Variants in TEP1 observed in about 807,000 individuals in gnomAD.
The protein encoded by TEP1 is telomerase associated protein 1.
In TEP1, 241 loss-of-function variants were observed where a neutral mutation model predicts 306.3. The ratio of observed to expected loss-of-function variants is 0.79; its 90% CI spans 0.71 to 0.88. TEP1 has a LOEUF of 0.88. TEP1 is among the 40% of genes least tolerant of loss of function. The pLI, the probability that TEP1 is intolerant of heterozygous loss-of-function variation, is 0.00. For missense variants in TEP1, 3,051 were observed against 3,276.1 expected (o/e 0.93, Z 1.68); for synonymous variants, 1,289 against 1,305.5 (o/e 0.99, Z 0.27).
rs1876573913 is a variant in TEP1 at position 20,381,857 on chromosome 14, C to T, written c.4424+56G>A. The T allele has an allele frequency of 6.3e-7, 1 of 1,597,808 alleles. No individual in the cohort carries two copies. Among genetic ancestry groups the T allele is most frequent in the Non-Finnish European group, 8.5e-7 (1 of 1,172,568 alleles). On this transcript the variant is annotated intron_variant, in intron 30 of 54. Coordinates refer to ENST00000262715, the MANE Select transcript of TEP1 (RefSeq NM_007110.5). The surrounding 1 kb of genome is among the most constrained non-coding windows in gnomAD (Gnocchi z 4.0). ...GTTGAAGCTATACAGAGGGCCCCGG[C>T]TCAAAGAAGGGAAGGCACAGAGAGG...
Position 20,383,888 on chromosome 14 carries a change from C to G in TEP1, c.3565G>C (p.Asp1189His). 6.2e-7 allele frequency: 1 copy of G among 1,600,892 alleles called. No individual in the cohort carries two copies. The highest frequency in any genetic ancestry group is 2.2e-5 in the East Asian group (1 of 44,796). The change falls in exon 25 of 55, where the codon GAT becomes CAT. Residue 1189 changes from aspartate (D) to histidine (H), a missense_variant. This residue lies in a region of TEP1 where 1,507 missense variants were observed against 1,550.5 expected (regional missense o/e 0.97). Transcript: ENST00000262715. ...ASLVSALQAP[D>H]GAKVASLVFF... ...ACTAATGATGCCACCTTGGCCCCATCAGGAGCCTGCAGGGCTGACACAAGA... is the reference window on the plus strand; with the variant it reads ...ACTAATGATGCCACCTTGGCCCCATGAGGAGCCTGCAGGGCTGACACAAGA...
intron 2 of TEP1, 69 bp from the exon 3 acceptor site, chr14:20,406,469 A>T: frequency 6.6e-7 from 1 of 1,513,554 alleles, no homozygotes; most frequent in East Asian, 2.3e-5. Context: ...ATGGATCTGA[A>T]GGCAGCACCA....
chr14:20,406,130 C>T, intron 3 of TEP1, 103 bp downstream of exon 3: 2 of 1,134,164 alleles, frequency 1.8e-6, no homozygotes, highest in Non-Finnish European at 2.6e-6. Flanking sequence ...GGTTGTATCC[C>T]TACCTTCCCC....
At position 20,383,546 on chromosome 14, in the gene TEP1, C is replaced by A; in HGVS notation, c.3809G>T (p.Arg1270Met). The change falls in exon 26 of 55, where the codon AGG becomes ATG. Residue 1270 changes from arginine to methionine, a missense_variant. Physicochemically the swap from Arg to Met is moderately conservative, Grantham distance 91. Transcript: ENST00000262715. ...CAGCTGCCCATTCTGGTCCACTAAC[C>A]TATCAGCCCCATCGATGATCAGGAC... ...TQVLIIDGAD[R>M]LVDQNGQLIS... 6.2e-7 allele frequency: 1 copy of A among 1,614,240 alleles called. No homozygotes were observed. Among genetic ancestry groups the A allele is most frequent in the Non-Finnish European group, 8.5e-7 (1 of 1,180,048 alleles).
At chr14:20,390,045 A>G (rs1217299958) in intron 15 of TEP1, among the ~76,000 whole-genome samples, 1 of 152,172 alleles carries the variant, frequency 6.6e-6, no homozygotes, top group Non-Finnish European at 1.5e-5. Flanking sequence ...AATTGTATAC[A>G]TTTAAAAAAT....
Position 20,389,314 on chromosome 14 carries a change from C to G in TEP1, c.2466-17G>C. ...TCTGTTGACCTGGCAAAGGAAGAAGCAGTCATTAACCATCACAAACAATAC... is the reference window on the plus strand; with the variant it reads ...TCTGTTGACCTGGCAAAGGAAGAAGGAGTCATTAACCATCACAAACAATAC... On this transcript the variant is annotated splice_polypyrimidine_tract_variant and intron_variant, in intron 16 of 54. Transcript: ENST00000262715. 6.2e-7 allele frequency: 1 copy of G among 1,613,918 alleles called. No individual in the cohort carries two copies. Among genetic ancestry groups the G allele is most frequent in the Non-Finnish European group, 8.5e-7 (1 of 1,179,800 alleles).
chr14:20,409,840 G>GA (rs1412891697), intron 1 of TEP1, among the ~76,000 whole-genome samples: 1 of 151,824 alleles, frequency 6.6e-6, no homozygotes, highest in Admixed American at 6.6e-5. Context: ...CTAACACAGT[G>GA]AAACCCCATC....
At position 20,387,952 on chromosome 14, in the gene TEP1, T is replaced by C. The variant is rs1877343791; in HGVS notation, c.2637A>G (p.Pro879=). ...PGKTGVQSLR[P]LEEDTPSPLA... ...AGGGGCTTGGAGTGTCCTCTTCCAG[T>C]GGCCGGAGAGACTGGACCCCTGTCT... The change falls in exon 18 of 55, where the codon CCA becomes CCG. Residue 879 remains proline (P), a synonymous_variant. Coordinates refer to ENST00000262715, the MANE Select transcript of TEP1 (RefSeq NM_007110.5). The C allele has an allele frequency of 6.2e-7, 1 of 1,613,968 alleles. No homozygotes were observed.
chr14:20,384,193 C>G lies in TEP1; in HGVS notation c.3379G>C (p.Asp1127His), dbSNP rs202122820. ...TGGAAGGTGGCCTGGACCAAGTCAT[C>G]GTCTGGGATGGACACTGGCTGCTCC... ...LLEQPVSIPD[D>H]DLVQATFQQL... The change falls in exon 24 of 55, where the codon GAT becomes CAT. Residue 1127 changes from aspartate (D) to histidine (H), a missense_variant. By Grantham distance (81) the Asp-to-His change is moderately conservative. Coordinates refer to ENST00000262715, the MANE Select transcript of TEP1 (RefSeq NM_007110.5). 4 of 1,614,140 alleles carry G rather than the reference C, an allele frequency of 2.5e-6. No homozygotes were observed. The highest frequency in any genetic ancestry group is 1.3e-5 in the African/African-American group (1 of 75,048).
chr14:20,378,858 C>T lies in TEP1; in HGVS notation c.5253-5G>A. 1 of 1,614,184 alleles carries T rather than the reference C, an allele frequency of 6.2e-7. No individual in the cohort carries two copies. Among genetic ancestry groups the T allele is most frequent in the Non-Finnish European group, 8.5e-7 (1 of 1,180,014 alleles). On this transcript the variant is annotated splice_polypyrimidine_tract_variant and splice_region_variant and intron_variant, in intron 36 of 54. Transcript: ENST00000262715. ...TGAGCCTTAGTCTGCAGCACCCTAT[C>T]CCAGGAAGATGAAGTCAGTCCTCTG...
At chr14:20,393,368 G>A (rs943579332) in intron 12 of TEP1, among the ~76,000 whole-genome samples, 2 of 152,150 alleles carry the variant, frequency 1.3e-5, no homozygotes, top group African/African-American at 2.4e-5. Context: ...AAAATCAGTA[G>A]TCTTCCCAGC....
At chr14:20,386,422 C>A in intron 19 of TEP1, 25 bp downstream of exon 19, 2 of 1,584,936 alleles carry the variant, frequency 1.3e-6, no homozygotes, top group South Asian at 1.1e-5. Context: ...CCCGACCCAG[C>A]CCCTCTTCTC....
chr14:20,389,822 G>C, intron 15 of TEP1, 82 bp from the exon 16 acceptor site: 1 of 1,547,640 alleles, frequency 6.5e-7, no homozygotes, highest in Non-Finnish European at 8.8e-7. Flanking sequence ...TCTGAGGACA[G>C]GAGGATTAGG....
Position 20,389,724 on chromosome 14 carries a change from A to G in TEP1, c.2351T>C (p.Leu784Pro). The G allele has an allele frequency of 6.2e-7, 1 of 1,614,172 alleles. No individual in the cohort carries two copies. Among genetic ancestry groups the G allele is most frequent in the South Asian group, 1.1e-5 (1 of 91,086 alleles). The part of the protein sequence containing the change: ...GQRVPVDRVI[L>P]LGQSMDDGMI... ...TCCATCATCCATGCTTTGGCCAAGG[A>G]GGATGACCCTGTCCACCTGTAAGAT... The change falls in exon 16 of 55, where the codon CTC (leucine) becomes CCC (proline). Residue 784 changes from leucine (L) to proline (P), a missense_variant. Coordinates refer to ENST00000262715, the MANE Select transcript of TEP1 (RefSeq NM_007110.5).
intron 12 of TEP1, among the ~76,000 whole-genome samples, chr14:20,394,915 T>C (rs1010647967): frequency 6.6e-6 from 1 of 152,162 alleles, no homozygotes; most frequent in Non-Finnish European, 1.5e-5. Flanking sequence ...TGTAAGATAC[T>C]GATGAACCAC....
At position 20,384,035 on chromosome 14, in the gene TEP1, T is replaced by C. The variant is rs762893062; in HGVS notation, c.3534+3A>G. On this transcript the variant is annotated splice_donor_region_variant and intron_variant, in intron 24 of 54. Coordinates refer to ENST00000262715, the MANE Select transcript of TEP1 (RefSeq NM_007110.5). The stretch of plus-strand genomic sequence containing the variant: ...TCCTGCCCAGGCCCCTGAGACTCTG[T>C]ACCAGGAAGGCTGTCTTGCCCTGTC... The C allele has an allele frequency of 1.4e-5, 22 of 1,600,480 alleles. 1 individual carries two copies. Among genetic ancestry groups the C allele is most frequent in the Non-Finnish European group, 1.8e-5 (21 of 1,173,410 alleles).
At chr14:20,370,935 G>A (rs953596132) in intron 51 of TEP1, among the ~76,000 whole-genome samples, 1 of 152,174 alleles carries the variant, frequency 6.6e-6, no homozygotes, top group Non-Finnish European at 1.5e-5. Context: ...ATTCATAGGG[G>A]CAAGACAAGA....
chr14:20,382,419 G>C, intron 28 of TEP1, 63 bp from the exon 29 acceptor site: 10 of 1,566,152 alleles, frequency 6.4e-6, no homozygotes, highest in Non-Finnish European at 8.7e-6. Flanking sequence ...TGGCTTGTGG[G>C]ATAGGGAAGG....
In TEP1 at chr14:20,382,358, T is replaced by C; in HGVS notation, c.4141-2A>G. On this transcript the variant is annotated splice_acceptor_variant, in intron 28 of 54. Coordinates refer to ENST00000262715, the MANE Select transcript of TEP1 (RefSeq NM_007110.5). LOFTEE classifies it high-confidence loss of function. ...CAGGGTCCGGAGTCTCTCAGACACC[T>C]AGGATGGCGGGAGGACAGCCTTGTT... is the stretch of plus-strand genomic sequence containing the variant. 6.2e-7 allele frequency: 1 copy of C among 1,605,046 alleles called. No individual in the cohort carries two copies. Among genetic ancestry groups the C allele is most frequent in the Non-Finnish European group, 8.5e-7 (1 of 1,175,608 alleles).
Sources: allele counts gnomAD v4.1 joint callset (sites outside exome capture counted in the v4.1 genomes callset), GRCh38; gene constraint gnomAD v4.1.1; regional missense constraint gnomAD v4.1.1; non-coding constraint Gnocchi (gnomAD v3.1); transcripts MANE v1.5; gene names NCBI Gene and HGNC (gene_info 2026-07-23, HGNC 2026-07-21).